Variants in ACACA observed in about 807,000 individuals in gnomAD.
The protein encoded by ACACA is acetyl-CoA carboxylase 1.
ACACA carries 103 observed loss-of-function variants against 296.1 expected under a neutral mutation model. The ratio of observed to expected loss-of-function variants is 0.35; its 90% confidence interval spans 0.30 to 0.41. The LOEUF (loss-of-function observed/expected upper bound fraction) is 0.41. ACACA is among the 10% of genes least tolerant of loss of function. The pLI is 1.00. For missense variants in ACACA, 1,554 were observed against 2,989.7 expected (o/e 0.52, Z 11.20); for synonymous variants, 953 against 1,038.6 (o/e 0.92, Z 1.58).
chr17:37,346,084 A>G (rs2048601085), intron 1 of ACACA, among the ~76,000 whole-genome samples: 1 of 151,954 alleles, frequency 6.6e-6, no homozygotes, highest in Non-Finnish European at 1.5e-5. Context: ...TCTCTAGAGG[A>G]AAAAAAACCC....
intron 24 of ACACA, among the ~76,000 whole-genome samples, chr17:37,238,181 C>T: frequency 6.6e-6 from 1 of 152,138 alleles, no homozygotes; most frequent in Non-Finnish European, 1.5e-5. Context: ...ACGATATTCT[C>T]CTAACCATTT....
chr17:37,228,910 G>A (rs531172512), intron 25 of ACACA, among the ~76,000 whole-genome samples: 122 of 152,220 alleles, frequency 8.0e-4, no homozygotes, highest in Non-Finnish European at 1.5e-3. Context: ...TTGGGAGGCC[G>A]AGGAGGGCGG....
chr17:37,099,605 GGGAGGGCTGATGGCA>G (rs1352301876), intron 52 of ACACA, among the ~76,000 whole-genome samples: 26 of 131,614 alleles, frequency 2.0e-4, no homozygotes, highest in Non-Finnish European at 3.5e-4. Flanking sequence ...GGCTGATGGC[GGGAGGGCTGATGGCA>G]GGAGGGCTGA....
chr17:37,121,378 C>G lies in ACACA; in HGVS notation c.6251G>C (p.Arg2084Thr). The change falls in exon 50 of 56, where the codon AGA (arginine) becomes ACA (threonine). Residue 2084 changes from arginine to threonine, a missense_variant. Arg to Thr is a moderately conservative substitution (Grantham distance 71, BLOSUM62 -1). Transcript: ENST00000616317. Reference protein sequence around the residue: ...GLPLMVFANWRGFSGGMKDMY... With the variant: ...GLPLMVFANWTGFSGGMKDMY... ...ACCTTTCATTCCACCAGAGAAGCCTCTCCAGTTGGCAAAGACCATCAGAGG... is the reference window on the plus strand; with the variant it reads ...ACCTTTCATTCCACCAGAGAAGCCTGTCCAGTTGGCAAAGACCATCAGAGG... 6.2e-7 allele frequency: 1 copy of G among 1,614,150 alleles called. No homozygotes were observed. Among genetic ancestry groups the G allele is most frequent in the Non-Finnish European group, 8.5e-7 (1 of 1,180,018 alleles).
intron 11 of ACACA, among the ~76,000 whole-genome samples, chr17:37,261,635 A>G (rs578163754): frequency 7.9e-5 from 12 of 152,294 alleles, no homozygotes; most frequent in African/African-American, 2.9e-4. Flanking sequence ...CCAGAAAACA[A>G]TGTCAGGTGT....
chr17:37,160,878 CA>C (rs1226120125), intron 42 of ACACA, among the ~76,000 whole-genome samples: 13 of 151,964 alleles, frequency 8.6e-5, no homozygotes, highest in Admixed American at 8.5e-4. Context: ...CTGATGATTT[CA>C]AAGGATTGTT....
chr17:37,382,216 G>A (rs1046817029), intron 1 of ACACA, among the ~76,000 whole-genome samples: 1 of 151,984 alleles, frequency 6.6e-6, no homozygotes, highest in African/African-American at 2.4e-5. Flanking sequence ...CCTCACTAGA[G>A]GTTGGTTCCA....
At chr17:37,163,511 A>T (rs761578797) in intron 41 of ACACA, among the ~76,000 whole-genome samples, 1 of 152,220 alleles carries the variant, frequency 6.6e-6, no homozygotes, top group African/African-American at 2.4e-5. Flanking sequence ...ATTTGTTCCA[A>T]GAAACCTTTA....
intron 29 of ACACA, among the ~76,000 whole-genome samples, chr17:37,214,613 G>A (rs2078903761): frequency 6.6e-6 from 1 of 152,076 alleles, no homozygotes. Flanking sequence ...TATATTGAGA[G>A]TTTTAAACTC....
At chr17:37,142,160 G>A (rs562513511) in intron 45 of ACACA, among the ~76,000 whole-genome samples, 1 of 152,200 alleles carries the variant, frequency 6.6e-6, no homozygotes, top group South Asian at 2.1e-4. Context: ...GCTCTGGACT[G>A]GTACTTGCTG....
rs962024397 is a variant in ACACA, at chr17:37,136,644, TA to T, written c.5680-6427del. 4.0e-5 allele frequency among the ~76,000 whole-genome samples: 6 copies of T among 150,688 alleles called. 1 individual carries two copies. The highest frequency in any genetic ancestry group is 1.2e-4 in the African/African-American group (5 of 41,000). On this transcript the variant is annotated intron_variant, in intron 45 of 55. Coordinates refer to ENST00000616317, the MANE Select transcript of ACACA (RefSeq NM_198834.3). ...TCAACACTTGGTATTTGTCAAACAT[TA>T]AAAAAAAACCATTTAGGCCAGGCAC...
At chr17:37,122,674 T>C (rs2074584792) in intron 48 of ACACA, 47 bp from the exon 49 acceptor site, 4 of 1,492,804 alleles carry the variant, frequency 2.7e-6, no homozygotes, top group Non-Finnish European at 3.7e-6. Flanking sequence ...GTCAACATTA[T>C]AGCTAGCCAT....
intron 3 of ACACA, among the ~76,000 whole-genome samples, chr17:37,300,689 G>A (rs1667953416): frequency 6.6e-6 from 1 of 151,972 alleles, no homozygotes; most frequent in African/African-American, 2.4e-5. Context: ...GGACATTCGG[G>A]CAACTTAAGT....
chr17:37,248,600 A>C lies in ACACA; in HGVS notation c.2156T>G (p.Val719Gly). 6.2e-7 allele frequency: 1 copy of C among 1,603,892 alleles called. No homozygotes were observed. Among genetic ancestry groups the C allele is most frequent in the Non-Finnish European group, 8.5e-7 (1 of 1,171,322 alleles). Reference protein sequence around the residue: ...VELIYEGVKYVLKVTRQSPNS... With the variant: ...VELIYEGVKYGLKVTRQSPNS... Reference sequence around the variant, plus strand: ...CAATGGGGTTCTGCATACCTTAAGTACATACTTGACTCCCTCATAGATAAG... The same window carrying C: ...CAATGGGGTTCTGCATACCTTAAGTCCATACTTGACTCCCTCATAGATAAG... The change falls in exon 17 of 56, where the codon GTA becomes GGA. Residue 719 changes from valine to glycine, a missense_variant. Val to Gly is a moderately radical substitution (Grantham distance 109, BLOSUM62 -3). Transcript: ENST00000616317.
intron 1 of ACACA, among the ~76,000 whole-genome samples, chr17:37,346,128 T>C (rs1235424257): frequency 2.0e-5 from 3 of 152,124 alleles, no homozygotes; most frequent in Non-Finnish European, 4.4e-5. Context: ...GTTACTATTG[T>C]ACCAATGTTA....
intron 52 of ACACA, among the ~76,000 whole-genome samples, chr17:37,100,595 T>C (rs1294114805): frequency 1.3e-5 from 2 of 149,224 alleles, no homozygotes; most frequent in African/African-American, 5.0e-5. Context: ...TGAATTTCAA[T>C]GTATGCTCAT....
intron 3 of ACACA, among the ~76,000 whole-genome samples, chr17:37,302,933 T>TA (rs1196788273): frequency 8.5e-5 from 13 of 152,124 alleles, no homozygotes; most frequent in African/African-American, 2.9e-4. Flanking sequence ...ATCATCACAA[T>TA]AAATTTAAGG....
At position 37,390,330 on chromosome 17, in the gene ACACA, A is replaced by ATATATATATATATATCTATC. The variant is rs1386032855; in HGVS notation, c.38+15931_38+15932insGATAGATATATATATATATA. ...TATATATATATATATATATATATAT[A>ATATATATATATATATCTATC]TATAAAAGGCCAGCTGGGCCGGGCA... On this transcript the variant is annotated intron_variant, in intron 1 of 55. Coordinates refer to ENST00000616317, the MANE Select transcript of ACACA (RefSeq NM_198834.3). 9.6e-5 allele frequency among the ~76,000 whole-genome samples: 4 copies of ATATATATATATATATCTATC among 41,582 alleles called. 1 individual carries two copies. The highest frequency in any genetic ancestry group is 5.1e-4 in the African/African-American group (4 of 7,842). The allele number at this position is 41,582 out of a possible 152,430, so 27.3% of individuals were successfully genotyped here.
chr17:37,246,726 CCCAGCCT>C (rs2080724136), intron 19 of ACACA, 93 bp downstream of exon 19: 3 of 1,500,066 alleles, frequency 2.0e-6, no homozygotes, highest in East Asian at 4.5e-5. Context: ...AGCCACTGTG[CCCAGCCT>C]CCTTTCTGTA....
Sources: allele counts gnomAD v4.1 joint callset (sites outside exome capture counted in the v4.1 genomes callset), GRCh38; gene constraint gnomAD v4.1.1; transcripts MANE v1.5; gene names NCBI Gene and HGNC (gene_info 2026-07-23, HGNC 2026-07-21).